ZEB1: variants seen among roughly 807,000 people sequenced by gnomAD.
The protein encoded by ZEB1 is zinc finger E-box-binding homeobox 1.
A neutral mutation model predicts 84.9 loss-of-function variants in ZEB1; 21 were observed. That is an observed-to-expected ratio of 0.25 (90% CI 0.18 to 0.36). ZEB1 has a LOEUF of 0.36. Among genes scored for constraint, ZEB1 ranks in the 10% least tolerant of loss-of-function variants. The probability of loss-of-function intolerance (pLI) is 1.00; values close to 1 mark genes in which losing one functional copy is unlikely to be tolerated. For missense variants in ZEB1, 1,104 were observed against 1,330.2 expected, an observed-to-expected ratio of 0.83 and a Z score of 2.65; for synonymous variants, 420 against 471.1, an observed-to-expected ratio of 0.89 and a Z score of 1.41.
intron 2 of ZEB1, among the ~76,000 whole-genome samples, chr10:31,474,130 C>T (rs1056553459): frequency 1.3e-5 from 2 of 152,170 alleles, no homozygotes; most frequent in African/African-American, 4.8e-5. Context: ...TAGGCAATAA[C>T]ATTCAGGACA....
At position 31,372,839 on chromosome 10, in the gene ZEB1, G is replaced by A. The variant is rs543429606; in HGVS notation, c.58+53547G>A. On this transcript the variant is annotated intron_variant, in intron 1 of 8. Transcript: ENST00000424869. ...GAGGGATTGAAATTTTCTTAAAAGC[G>A]TTTTCAGAAGATACTAGAATTTTAT... Among the ~76,000 whole-genome samples, 26 of 151,956 alleles carry A rather than the reference G, an allele frequency of 1.7e-4. No individual in the cohort carries two copies. In the South Asian group the frequency reaches 2.5e-3, roughly 15 times the overall value.
chr10:31,332,618 A>G (rs1168487851), intron 1 of ZEB1, among the ~76,000 whole-genome samples: 3 of 152,216 alleles, frequency 2.0e-5, no homozygotes, highest in African/African-American at 4.8e-5. Context: ...GCTGTAATTC[A>G]GGCCTGGTAT....
At chr10:31,433,414 T>G (rs2057953362) in intron 1 of ZEB1, among the ~76,000 whole-genome samples, 1 of 152,214 alleles carries the variant, frequency 6.6e-6, no homozygotes, top group South Asian at 2.1e-4. Flanking sequence ...TTGGCCAATT[T>G]GTCTTCCTTT....
At chr10:31,442,567 TAAAAA>T (rs61471490) in intron 1 of ZEB1, among the ~76,000 whole-genome samples, 2 of 142,390 alleles carry the variant, frequency 1.4e-5, no homozygotes, top group African/African-American at 5.1e-5. Context: ...ATAATAATAA[TAAAAA>T]AAAAAGAAAT....
chr10:31,464,398 C>T (rs896005882), intron 2 of ZEB1, among the ~76,000 whole-genome samples: 2 of 151,870 alleles, frequency 1.3e-5, no homozygotes, highest in African/African-American at 4.8e-5. Flanking sequence ...GGTTAAGATA[C>T]ATGAAGATTC....
At chr10:31,432,601 T>A (rs997343197) in intron 1 of ZEB1, among the ~76,000 whole-genome samples, 1 of 152,120 alleles carries the variant, frequency 6.6e-6, no homozygotes, top group African/African-American at 2.4e-5. Context: ...AATTTTTTTT[T>A]AATTCAGTGT....
At chr10:31,515,718 T>G (rs1469053178) in intron 6 of ZEB1, among the ~76,000 whole-genome samples, 4 of 152,100 alleles carry the variant, frequency 2.6e-5, no homozygotes, top group Non-Finnish European at 5.9e-5. Flanking sequence ...TTGAAAATGC[T>G]CAAACCAAGA....
At chr10:31,455,617 CA>C (rs1477827822) in intron 1 of ZEB1, among the ~76,000 whole-genome samples, 1 of 152,128 alleles carries the variant, frequency 6.6e-6, no homozygotes, top group Admixed American at 6.5e-5. Flanking sequence ...AGACACTTCT[CA>C]AAAGAAGACA....
intron 1 of ZEB1, among the ~76,000 whole-genome samples, chr10:31,369,061 T>A (rs1212585434): frequency 2.0e-5 from 3 of 152,176 alleles, no homozygotes; most frequent in Non-Finnish European, 4.4e-5. Flanking sequence ...CTTTTTTTAA[T>A]CTCCTGTTTA....
chr10:31,447,917 C>G lies in ZEB1; in HGVS notation c.59-13120C>G, dbSNP rs1236186189. Among the ~76,000 whole-genome samples, 4 of 152,066 alleles carry G rather than the reference C, an allele frequency of 2.6e-5. No homozygotes were observed. The East Asian group carries it at 7.7e-4, about 29-fold the overall frequency. On this transcript the variant is annotated intron_variant, in intron 1 of 8. Coordinates refer to ENST00000424869, the MANE Select transcript of ZEB1 (RefSeq NM_001174096.2). ...TGGAGTTGCTCTTCTTGAGGAGTAT[C>G]TTTTTGGCGTTCTCTGTATTTCCTG...
intron 1 of ZEB1, among the ~76,000 whole-genome samples, chr10:31,423,995 A>C (rs1179227839): frequency 6.6e-6 from 1 of 151,962 alleles, no homozygotes; most frequent in Admixed American, 6.6e-5. Context: ...TACAAAGCCA[A>C]ATATTTGCTT....
intron 1 of ZEB1, among the ~76,000 whole-genome samples, chr10:31,339,267 A>G (rs2038879408): frequency 1.3e-5 from 2 of 152,178 alleles, no homozygotes; most frequent in South Asian, 4.1e-4. Flanking sequence ...ACTTTCAGTG[A>G]CACATGGTTT....
chr10:31,373,788 A>C (rs2134519195), intron 1 of ZEB1, among the ~76,000 whole-genome samples: 1 of 152,000 alleles, frequency 6.6e-6, no homozygotes, highest in Admixed American at 6.6e-5. Flanking sequence ...AGCTGTTCAT[A>C]ATATGGCGCA....
chr10:31,510,997 C>T, intron 5 of ZEB1, 122 bp downstream of exon 5: 1 of 927,566 alleles, frequency 1.1e-6, no homozygotes, highest in Non-Finnish European at 1.7e-6. Context: ...GCTATATCTG[C>T]AGCCTTATAA....
Position 31,481,529 on chromosome 10 carries a change from G to A in ZEB1, c.260-14247G>A, listed in dbSNP as rs146527328. Among the ~76,000 whole-genome samples the A allele has an allele frequency of 4.6e-5, 7 of 151,902 alleles. No individual in the cohort carries two copies. In the East Asian group the frequency reaches 1.2e-3, roughly 25 times the overall value. ...AGTAAAAATAAATTTCAGGTGCAGC[G>A]GCATGCACCTGCAATCCCTGCTACT... On this transcript the variant is annotated intron_variant, in intron 2 of 8. Transcript: ENST00000424869.
intron 1 of ZEB1, among the ~76,000 whole-genome samples, chr10:31,344,293 C>G (rs1444770927): frequency 1.3e-5 from 2 of 151,930 alleles, no homozygotes; most frequent in African/African-American, 4.8e-5. Flanking sequence ...TTCATATGTT[C>G]ATGGATATAT....
intron 1 of ZEB1, among the ~76,000 whole-genome samples, chr10:31,360,751 C>T (rs1209668728): frequency 2.0e-5 from 3 of 152,118 alleles, no homozygotes; most frequent in African/African-American, 7.2e-5. Context: ...CCAGAGAGTT[C>T]GTAAATTAGT....
intron 1 of ZEB1, among the ~76,000 whole-genome samples, chr10:31,442,357 A>G (rs1258373874): frequency 6.6e-6 from 1 of 152,038 alleles, no homozygotes; most frequent in Non-Finnish European, 1.5e-5. Flanking sequence ...GAATTGAACA[A>G]TGAGAACACT....
chr10:31,477,942 A>C (rs748725790), intron 2 of ZEB1, among the ~76,000 whole-genome samples: 40 of 152,052 alleles, frequency 2.6e-4, no homozygotes, highest in Non-Finnish European at 5.0e-4. Flanking sequence ...TATTCTGGAC[A>C]TTGGCTTAGG....
Sources: allele counts gnomAD v4.1 joint callset (sites outside exome capture counted in the v4.1 genomes callset), GRCh38; gene constraint gnomAD v4.1.1; transcripts MANE v1.5; gene names NCBI Gene and HGNC (gene_info 2026-07-23, HGNC 2026-07-21).